The following ACSL5 variants were observed in gnomAD, a reference collection of about 807,000 sequenced individuals.
ACSL5 encodes the protein acyl-CoA synthetase long chain family member 5.
In ACSL5, 50 loss-of-function variants were observed where a neutral mutation model predicts 84.9. The observed-to-expected ratio is 0.59, with a 90% CI of 0.47 to 0.75. ACSL5 has a LOEUF of 0.75. ACSL5 is among the 30% of genes least tolerant of loss of function. The pLI is 0.00. For missense variants in ACSL5, 775 were observed against 830.4 expected, an observed-to-expected ratio of 0.93 and a Z score of 0.82; for synonymous variants, 280 against 300.7, an observed-to-expected ratio of 0.93 and a Z score of 0.71.
At chr10:112,425,711 G>C in intron 18 of ACSL5, 1 of 394,594 alleles carries the variant, frequency 2.5e-6, no homozygotes, top group Non-Finnish European at 4.5e-6. Flanking sequence ...TGTTTAGAAT[G>C]GCTATACTAA....
At chr10:112,424,540 A>G (rs528326774) in intron 17 of ACSL5, 1 of 152,366 alleles carries the variant, frequency 6.6e-6, no homozygotes, top group South Asian at 2.1e-4. Flanking sequence ...TAAGCAACAG[A>G]TATGTCCCCA....
chr10:112,410,340 G>T, intron 7 of ACSL5, 123 bp from the exon 8 acceptor site: 1 of 1,559,476 alleles, frequency 6.4e-7, no homozygotes, highest in South Asian at 1.2e-5. Flanking sequence ...CCTGATCCAG[G>T]TTGGAATTTT....
chr10:112,392,237 C>T (rs1843657721), intron 1 of ACSL5, among the ~76,000 whole-genome samples: 1 of 152,118 alleles, frequency 6.6e-6, no homozygotes, highest in East Asian at 1.9e-4. Flanking sequence ...TTCGGGAGGC[C>T]AAGGTGGGAG....
At chr10:112,398,695 G>A (rs534823182) in intron 2 of ACSL5, among the ~76,000 whole-genome samples, 4 of 152,232 alleles carry the variant, frequency 2.6e-5, no homozygotes, top group East Asian at 3.9e-4. Context: ...GTGAGCCACC[G>A]AGCCCAGCCA....
chr10:112,426,797 G>A lies in ACSL5; in HGVS notation c.1849G>A (p.Glu617Lys). ...TGTTTTGTATTCTTAGGTTGTAAGGGAAGCCATTTTAGAAGACTTGCAGAA... is the reference window on the plus strand; with the variant it reads ...TGTTTTGTATTCTTAGGTTGTAAGGAAAGCCATTTTAGAAGACTTGCAGAA... ...EELCQNQVVR[E>K]AILEDLQKIG... Residue 617 changes from glutamate to lysine, a missense_variant, in exon 20 of 21, where the codon GAA becomes AAA. By Grantham distance (56) the Glu-to-Lys change is moderately conservative. Transcript: ENST00000354655. 1.2e-6 allele frequency: 2 copies of A among 1,613,956 alleles called. No individual in the cohort carries two copies. Among genetic ancestry groups the A allele is most frequent in the Non-Finnish European group, 1.7e-6 (2 of 1,179,894 alleles).
At chr10:112,378,807 C>T (rs756108417) in intron 1 of ACSL5, among the ~76,000 whole-genome samples, 2 of 152,210 alleles carry the variant, frequency 1.3e-5, no homozygotes, top group African/African-American at 4.8e-5. Flanking sequence ...GAAAGGGACT[C>T]TCTCACCAAC....
intron 5 of ACSL5, among the ~76,000 whole-genome samples, chr10:112,408,179 G>C (rs1844089866): frequency 6.6e-6 from 1 of 151,666 alleles, no homozygotes; most frequent in Non-Finnish European, 1.5e-5. Context: ...TGTGCCTGTA[G>C]TTCCAGCTAC....
intron 1 of ACSL5, among the ~76,000 whole-genome samples, chr10:112,387,773 G>A: frequency 6.6e-6 from 1 of 152,092 alleles, no homozygotes; most frequent in Non-Finnish European, 1.5e-5. Flanking sequence ...ATCACCATAG[G>A]ATGAGCCCAT....
chr10:112,412,504 T>TCCA (rs1844203291), intron 11 of ACSL5: 1 of 153,242 alleles, frequency 6.5e-6, no homozygotes, highest in Non-Finnish European at 1.5e-5. Flanking sequence ...GTGAGTGGAC[T>TCCA]CCAGGCTTTT....
At position 112,427,242 on chromosome 10, in the gene ACSL5, G is replaced by A; in HGVS notation, c.1936G>A (p.Glu646Lys). Reference sequence around the variant, plus strand: ...GGTCAAAGCCATTTTTCTTCATCCAGAGCCATTTTCCATTGAAAATGGGCT... The same window carrying A: ...GGTCAAAGCCATTTTTCTTCATCCAAAGCCATTTTCCATTGAAAATGGGCT... ...EQVKAIFLHP[E>K]PFSIENGLLT... Residue 646 changes from glutamate (E) to lysine (K), a missense_variant, in exon 21 of 21, where the codon GAG becomes AAG. Coordinates refer to ENST00000354655, the MANE Select transcript of ACSL5 (RefSeq NM_203379.2). 1 of 1,612,588 alleles carries A rather than the reference G, an allele frequency of 6.2e-7. No individual in the cohort carries two copies. The highest frequency in any genetic ancestry group is 1.1e-5 in the South Asian group (1 of 90,796).
chr10:112,426,818 C>A lies in ACSL5; in HGVS notation c.1870C>A (p.Gln624Lys), dbSNP rs766339831. The change falls in exon 20 of 21, where the codon CAG becomes AAG. Residue 624 changes from glutamine to lysine, a missense_variant. Transcript: ENST00000354655. ...AAGGGAAGCCATTTTAGAAGACTTG[C>A]AGAAAATTGGGAAAGAAAGTGGCCT... Reference protein sequence around the residue: ...VVREAILEDLQKIGKESGLKT... With the variant: ...VVREAILEDLKKIGKESGLKT... 1.7e-5 allele frequency: 27 copies of A among 1,613,814 alleles called. 1 individual carries two copies. The highest frequency in any genetic ancestry group is 1.5e-5 in the Non-Finnish European group (18 of 1,179,898).
chr10:112,390,446 G>T (rs1161259566), intron 1 of ACSL5, among the ~76,000 whole-genome samples: 3 of 152,140 alleles, frequency 2.0e-5, no homozygotes, highest in Non-Finnish European at 4.4e-5. Flanking sequence ...ATATAAAATG[G>T]TGCAGCTACT....
chr10:112,408,291 AC>A (rs1429673686), intron 5 of ACSL5, 130 bp from the exon 6 acceptor site: 1 of 590,048 alleles, frequency 1.7e-6, no homozygotes, highest in African/African-American at 2.0e-5. Flanking sequence ...AGAGTGAGGC[AC>A]TGTCTCAAAA....
intron 16 of ACSL5, 83 bp downstream of exon 16, chr10:112,422,118 G>T: frequency 4.0e-6 from 6 of 1,485,594 alleles, no homozygotes; most frequent in Non-Finnish European, 5.6e-6. Context: ...AGCAAACTTG[G>T]ATTTGGCCCC....
intron 1 of ACSL5, among the ~76,000 whole-genome samples, chr10:112,392,727 C>T (rs1357525948): frequency 6.5e-5 from 9 of 137,778 alleles, no homozygotes; most frequent in African/African-American, 5.3e-5. Flanking sequence ...GGTGACAGAG[C>T]GAGATTCTGT....
intron 20 of ACSL5, 47 bp from the exon 21 acceptor site, chr10:112,427,171 A>G (rs774164253): frequency 6.4e-7 from 1 of 1,566,782 alleles, no homozygotes; most frequent in South Asian, 1.2e-5. Context: ...TCTGCAGAGA[A>G]GTCCAAATCA....
chr10:112,414,970 G>T (rs770340917), intron 12 of ACSL5, among the ~76,000 whole-genome samples: 1 of 151,842 alleles, frequency 6.6e-6, no homozygotes, highest in Non-Finnish European at 1.5e-5. Context: ...TTCACTCTTA[G>T]GACTCTCAGC....
intron 1 of ACSL5, among the ~76,000 whole-genome samples, chr10:112,392,938 G>A (rs2133588437): frequency 6.6e-6 from 1 of 151,914 alleles, no homozygotes; most frequent in Non-Finnish European, 1.5e-5. Flanking sequence ...TATATATCCA[G>A]TCTTGTCACA....
At chr10:112,391,182 C>T (rs930718601) in intron 1 of ACSL5, among the ~76,000 whole-genome samples, 1 of 152,118 alleles carries the variant, frequency 6.6e-6, no homozygotes, top group Non-Finnish European at 1.5e-5. Context: ...AGTTTGAGAC[C>T]AGCCTGGCCA....
Sources: allele counts gnomAD v4.1 joint callset (sites outside exome capture counted in the v4.1 genomes callset), GRCh38; gene constraint gnomAD v4.1.1; transcripts MANE v1.5; gene names NCBI Gene and HGNC (gene_info 2026-07-23, HGNC 2026-07-21).